The following ARHGEF10 variants were observed in gnomAD, a reference collection of about 807,000 sequenced individuals.
ARHGEF10 encodes the protein Rho guanine nucleotide exchange factor 10, also known as Rho guanine nucleotide exchange factor (GEF) 10.
A neutral mutation model predicts 147.4 loss-of-function variants in ARHGEF10; 140 were observed. That is an observed-to-expected ratio of 0.95 (90% CI 0.83 to 1.09). ARHGEF10 has a LOEUF of 1.09. Ranked by LOEUF, ARHGEF10 falls within the 50% of genes least tolerant of loss-of-function variation. ARHGEF10 has a pLI of 0.00. For missense variants in ARHGEF10, 2,222 were observed against 1,752.7 expected (o/e 1.27, Z -4.78); for synonymous variants, 902 against 695.8 (o/e 1.30, Z -4.67).
rs1745034161 is a variant in ARHGEF10, at chr8:1,880,080, CTA to C, written c.878_879del (p.Tyr293Ter). On this transcript the variant is annotated frameshift_variant, in exon 9 of 29. Coordinates refer to ENST00000349830, the MANE Select transcript of ARHGEF10 (RefSeq NM_014629.4). LOFTEE classifies it high-confidence loss of function. The part of the protein sequence containing the change: ...SHDLTRLKEH[Y>X]EKKMRDLMAS... ...ATGACCTAACCCGTTTAAAGGAGCA[CTA>C]TGAGAAAAAGATGAGAGATTTGATG... 1 of 1,613,980 alleles carries C rather than the reference CTA, an allele frequency of 6.2e-7. No individual in the cohort carries two copies. The highest frequency in any genetic ancestry group is 8.5e-7 in the Non-Finnish European group (1 of 1,179,838).
At chr8:1,903,824 T>G (rs1810673689) in intron 16 of ARHGEF10, 1 of 323,494 alleles carries the variant, frequency 3.1e-6, no homozygotes, top group African/African-American at 2.2e-5. Context: ...CTAGGCACAG[T>G]GGCTCACACC....
rs1235354053 is a variant in ARHGEF10 at position 1,864,501 on chromosome 8, G to C, written c.545+65G>C. 1.5e-5 allele frequency: 23 copies of C among 1,526,476 alleles called. No homozygotes were observed. In the African/African-American group the frequency reaches 3.0e-4, roughly 20 times the overall value. 94.6% of individuals were successfully genotyped at this position (1,526,476 alleles called of 1,614,324 possible). A position where few individuals can be genotyped will look rare whatever the true frequency, so the allele number is the denominator to read the frequency against. On this transcript the variant is annotated intron_variant, in intron 5 of 28. Transcript: ENST00000349830. ...CTTTCTCCTGAGGAGCTGGACGTGG[G>C]GATCCTGGTGTGTGTCCCTGCCCGC...
chr8:1,859,138 C>T lies in ARHGEF10; in HGVS notation c.194-759C>T, dbSNP rs76742153. On this transcript the variant is annotated intron_variant, in intron 3 of 28. Transcript: ENST00000349830. Reference sequence around the variant, plus strand: ...ACGGTGTTTCTTTGTGCGCAGCACGCGCCTCTCTGCTTACACGGTGTTTCT... The same window carrying T: ...ACGGTGTTTCTTTGTGCGCAGCACGTGCCTCTCTGCTTACACGGTGTTTCT... 3.6e-5 allele frequency among the ~76,000 whole-genome samples: 5 copies of T among 139,940 alleles called. No individual in the cohort carries two copies. The East Asian group carries it at 1.1e-3, about 31-fold the overall frequency. The allele number at this position is 139,940 out of a possible 152,430, so 91.8% of individuals were successfully genotyped here.
chr8:1,867,315 C>T (rs560230216), intron 6 of ARHGEF10, among the ~76,000 whole-genome samples: 1 of 152,150 alleles, frequency 6.6e-6, no homozygotes, highest in African/African-American at 2.4e-5. Context: ...AAAGGACAGA[C>T]TAGACATGTA....
chr8:1,828,283 C>T (rs976245750), intron 1 of ARHGEF10, among the ~76,000 whole-genome samples: 2 of 152,240 alleles, frequency 1.3e-5, no homozygotes, highest in South Asian at 2.1e-4. Flanking sequence ...TGGATGTGGT[C>T]GTTATTATGT....
At chr8:1,836,539 G>C (rs892568226) in intron 1 of ARHGEF10, among the ~76,000 whole-genome samples, 7 of 152,176 alleles carry the variant, frequency 4.6e-5, no homozygotes, top group Admixed American at 6.5e-5. Context: ...CGGGCTTCAG[G>C]GGGTGGGATG....
At chr8:1,904,539 G>A (rs1810730733) in intron 16 of ARHGEF10, among the ~76,000 whole-genome samples, 1 of 152,144 alleles carries the variant, frequency 6.6e-6, no homozygotes, top group Non-Finnish European at 1.5e-5. Context: ...ATTGTATTCA[G>A]TTATATTCTT....
intron 7 of ARHGEF10, chr8:1,869,496 T>A (rs1367715256): frequency 3.2e-6 from 2 of 622,382 alleles, no homozygotes; most frequent in Non-Finnish European, 5.8e-6. Flanking sequence ...GGAGTAAAGG[T>A]ACAGAAAATG....
At chr8:1,936,305 A>G (rs551996497) in intron 26 of ARHGEF10, among the ~76,000 whole-genome samples, 1 of 152,200 alleles carries the variant, frequency 6.6e-6, no homozygotes, top group Non-Finnish European at 1.5e-5. Flanking sequence ...GCTTGAGCTC[A>G]AGAGTTCAAG....
chr8:1,894,378 C>T lies in ARHGEF10; in HGVS notation c.1261-15C>T. 5 of 1,614,006 alleles carry T rather than the reference C, an allele frequency of 3.1e-6. No homozygotes were observed. Among genetic ancestry groups the T allele is most frequent in the South Asian group, 1.1e-5 (1 of 91,072 alleles). ...AAAAGAAAAGTCTGAACTGTCTTTGCTCATTTTGTCTTAGCAATATGAGAA... is the reference window on the plus strand; with the variant it reads ...AAAAGAAAAGTCTGAACTGTCTTTGTTCATTTTGTCTTAGCAATATGAGAA... On this transcript the variant is annotated splice_polypyrimidine_tract_variant and intron_variant, in intron 12 of 28. Transcript: ENST00000349830.
In ARHGEF10 at chr8:1,937,445, G is replaced by A. The variant is rs1210202534; in HGVS notation, c.3222+3503G>A. On this transcript the variant is annotated intron_variant, in intron 26 of 28. Transcript: ENST00000349830. The surrounding 1 kb of genome is among the most constrained non-coding windows in gnomAD (Gnocchi z 4.9). The stretch of plus-strand genomic sequence containing the variant: ...GTCTCAATTGTCTGAGCTGACAGCT[G>A]GGGGTAATTCCCCTTTCTCAGGCTG... 3.3e-5 allele frequency among the ~76,000 whole-genome samples: 5 copies of A among 152,198 alleles called. No homozygotes were observed. Among genetic ancestry groups the A allele is most frequent in the African/African-American group, 7.2e-5 (3 of 41,454 alleles).
At chr8:1,861,393 A>G (rs1454455501) in intron 4 of ARHGEF10, among the ~76,000 whole-genome samples, 1 of 152,144 alleles carries the variant, frequency 6.6e-6, no homozygotes, top group African/African-American at 2.4e-5. Context: ...GGGTGAGGGT[A>G]AGCACATACC....
intron 4 of ARHGEF10, among the ~76,000 whole-genome samples, chr8:1,861,432 C>T (rs956827003): frequency 5.3e-5 from 8 of 152,196 alleles, no homozygotes; most frequent in East Asian, 1.9e-4. Context: ...GCGACCCAGT[C>T]GAGGCGTCTC....
intron 9 of ARHGEF10, among the ~76,000 whole-genome samples, chr8:1,880,454 C>T (rs1282109826): frequency 1.3e-5 from 2 of 152,210 alleles, no homozygotes; most frequent in African/African-American, 4.8e-5. Context: ...CAGAAACGCA[C>T]AATGCCACTT....
intron 2 of ARHGEF10, among the ~76,000 whole-genome samples, chr8:1,844,426 C>CT (rs1804360925): frequency 3.1e-5 from 1 of 31,826 alleles, no homozygotes; most frequent in Non-Finnish European, 9.1e-5. Context: ...CAGGGGTCAC[C>CT]GGGGCCTGCT....
intron 1 of ARHGEF10, among the ~76,000 whole-genome samples, chr8:1,832,367 GAGA>G (rs1803175343): frequency 7.3e-6 from 1 of 136,224 alleles, no homozygotes. Flanking sequence ...GGCAGAGACA[GAGA>G]CAGAGACAGA....
intron 18 of ARHGEF10, 110 bp downstream of exon 18, chr8:1,909,580 C>A: frequency 7.0e-7 from 1 of 1,429,860 alleles, no homozygotes; most frequent in Non-Finnish European, 9.6e-7. Flanking sequence ...CAGGGTTTAA[C>A]ATGGCAAGTC....
intron 17 of ARHGEF10, among the ~76,000 whole-genome samples, chr8:1,908,749 C>T (rs540596257): frequency 2.6e-4 from 40 of 151,936 alleles, no homozygotes; most frequent in Non-Finnish European, 4.4e-4. Context: ...CGTATATGTT[C>T]TATTTATGAT....
rs2272613 is a variant in ARHGEF10, at chr8:1,925,374, C to G, written c.2580C>G (p.Pro860=). 9.9e-6 allele frequency: 16 copies of G among 1,613,958 alleles called. No individual in the cohort carries two copies. Among genetic ancestry groups the G allele is most frequent in the South Asian group, 2.2e-5 (2 of 91,090 alleles). The change falls in exon 22 of 29, where the codon CCC becomes CCG. Residue 860 remains proline, a synonymous_variant. Transcript: ENST00000349830. ...EKHPLLVGHM[P]VMVAKQQEFK... Reference sequence around the variant, plus strand: ...ATCCTCTCCTCGTCGGACACATGCCCGTGATGGTGGCCAAGCAGCAGGAGT... The same window carrying G: ...ATCCTCTCCTCGTCGGACACATGCCGGTGATGGTGGCCAAGCAGCAGGAGT...
Sources: allele counts gnomAD v4.1 joint callset (sites outside exome capture counted in the v4.1 genomes callset), GRCh38; gene constraint gnomAD v4.1.1; non-coding constraint Gnocchi (gnomAD v3.1); transcripts MANE v1.5; gene names NCBI Gene and HGNC (gene_info 2026-07-23, HGNC 2026-07-21).